Variants in LOXL4 observed in about 807,000 individuals in gnomAD.
LOXL4 encodes the protein lysyl oxidase like 4, also known as lysyl oxidase homolog 4.
LOXL4 carries 72 observed loss-of-function variants against 89.1 expected under a neutral mutation model. That is an observed-to-expected ratio of 0.81 (90% CI 0.67 to 0.98). The LOEUF (loss-of-function observed/expected upper bound fraction) is 0.98. Among genes scored for constraint, LOXL4 ranks in the 50% least tolerant of loss-of-function variants. LOXL4 has a pLI of 0.00. For synonymous variants in LOXL4, 355 were observed against 392.1 expected, an observed-to-expected ratio of 0.91 and a Z score of 1.12; for missense variants, 984 against 1,017.5, an observed-to-expected ratio of 0.97 and a Z score of 0.45.
In LOXL4 at chr10:98,258,098, G is replaced by T. The variant is rs553759704; in HGVS notation, c.988C>A (p.Arg330Ser). The part of the protein sequence containing the change: ...GEGRVEVLMN[R>S]QWGTVCDHRW... ...TGGTCACAGACCGTGCCCCACTGGCGGTTCATGAGCACTTCCACCCGGCCC... is the reference window on the plus strand; with the variant it reads ...TGGTCACAGACCGTGCCCCACTGGCTGTTCATGAGCACTTCCACCCGGCCC... Residue 330 changes from arginine (R) to serine (S), a missense_variant, in exon 7 of 15, where the codon CGC becomes AGC. Transcript: ENST00000260702. 6.2e-7 allele frequency: 1 copy of T among 1,613,450 alleles called. No homozygotes were observed. The highest frequency in any genetic ancestry group is 8.5e-7 in the Non-Finnish European group (1 of 1,180,034).
chr10:98,264,508 A>G (rs534691208), intron 1 of LOXL4, among the ~76,000 whole-genome samples: 2 of 151,866 alleles, frequency 1.3e-5, no homozygotes, highest in East Asian at 3.9e-4. Flanking sequence ...GTTTGCCTTC[A>G]TCCTGTAGGA....
At position 98,251,553 on chromosome 10, in the gene LOXL4, C is replaced by T. The variant is rs1241535909; in HGVS notation, c.2088+13G>A. On this transcript the variant is annotated intron_variant, in intron 13 of 14. Coordinates refer to ENST00000260702, the MANE Select transcript of LOXL4 (RefSeq NM_032211.7). Reference sequence around the variant, plus strand: ...GAAATCAGGCTCTGTGGGGAATCCCCCAGCCGCCTTACCTGGAAGATATAA... The same window carrying T: ...GAAATCAGGCTCTGTGGGGAATCCCTCAGCCGCCTTACCTGGAAGATATAA... The T allele has an allele frequency of 6.2e-7, 1 of 1,613,492 alleles. No homozygotes were observed. The highest frequency in any genetic ancestry group is 1.1e-5 in the South Asian group (1 of 90,956).
rs1051205024 is a variant in LOXL4 at position 98,259,153 on chromosome 10, G to C, written c.777C>G (p.Ala259=). ...VTCLGTEPHM[A]NCQVQVAPAR... ...CTGGAGCCACCTGCACCTGGCAGTT[G>C]GCCATGTGGGGCTCTGTCCCCAGGC... The change falls in exon 6 of 15, where the codon GCC becomes GCG. Residue 259 remains alanine, a synonymous_variant. Coordinates refer to ENST00000260702, the MANE Select transcript of LOXL4 (RefSeq NM_032211.7). 1.2e-6 allele frequency: 2 copies of C among 1,612,200 alleles called. No individual in the cohort carries two copies. Among genetic ancestry groups the C allele is most frequent in the African/African-American group, 2.7e-5 (2 of 75,008 alleles).
intron 2 of LOXL4, 71 bp from the exon 3 acceptor site, chr10:98,262,284 C>T: frequency 6.6e-7 from 1 of 1,515,670 alleles, no homozygotes; most frequent in Non-Finnish European, 9.0e-7. Flanking sequence ...CTGCATAGGA[C>T]CCCACACTTA....
chr10:98,262,371 A>G (rs1054331253), intron 2 of LOXL4, among the ~76,000 whole-genome samples, 158 bp from the exon 3 acceptor site: 8 of 152,222 alleles, frequency 5.3e-5, no homozygotes, highest in African/African-American at 1.9e-4. Flanking sequence ...ATAAGTATTT[A>G]TAACCCTGCC....
chr10:98,251,689 G>C lies in LOXL4; in HGVS notation c.1965C>G (p.Arg655=). 6.2e-7 allele frequency: 1 copy of C among 1,614,236 alleles called. No individual in the cohort carries two copies. The highest frequency in any genetic ancestry group is 1.1e-5 in the South Asian group (1 of 91,092). ...DTNCPTGLQR[R]YACANFGEQG... Reference sequence around the variant, plus strand: ...GTTCTCCAAAGTTGGCACATGCGTAGCGCCGCTGCAGTCCTGTAAGGAAGG... The same window carrying C: ...GTTCTCCAAAGTTGGCACATGCGTACCGCCGCTGCAGTCCTGTAAGGAAGG... Residue 655 remains arginine (R), a synonymous_variant, in exon 13 of 15, where the codon CGC becomes CGG. Coordinates refer to ENST00000260702, the MANE Select transcript of LOXL4 (RefSeq NM_032211.7).
intron 14 of LOXL4, 58 bp from the exon 15 acceptor site, chr10:98,249,049 G>A: frequency 2.2e-6 from 3 of 1,366,824 alleles, no homozygotes; most frequent in Non-Finnish European, 3.1e-6. Context: ...TCCCTTCCCT[G>A]ACAACTTACA....
chr10:98,260,315 A>C (rs556896817), intron 4 of LOXL4, among the ~76,000 whole-genome samples: 3 of 152,236 alleles, frequency 2.0e-5, no homozygotes, highest in Non-Finnish European at 2.9e-5. Context: ...GGAGGCTCAG[A>C]GGCCCTCCCC....
chr10:98,253,108 T>C (rs922690526), intron 11 of LOXL4, among the ~76,000 whole-genome samples: 3 of 152,254 alleles, frequency 2.0e-5, no homozygotes, highest in Non-Finnish European at 4.4e-5. Context: ...CTGTTCATGC[T>C]GTTCTTTGAG....
Position 98,258,141 on chromosome 10 carries a change from G to T in LOXL4, c.945C>A (p.Ser315=), listed in dbSNP as rs146874745. 1 of 1,612,448 alleles carries T rather than the reference G, an allele frequency of 6.2e-7. No homozygotes were observed. Among genetic ancestry groups the T allele is most frequent in the African/African-American group, 1.3e-5 (1 of 74,932 alleles). ...CCCGGCCCTCGCCCACCTGGGCCCC[G>T]GAGCGCAGGCGCACCCTCGGCTCCT... is the stretch of plus-strand genomic sequence containing the variant. ...WAEEPRVRLR[S]GAQVGEGRVE... The change falls in exon 7 of 15, where the codon TCC becomes TCA. Residue 315 remains serine, a synonymous_variant. Transcript: ENST00000260702.
At chr10:98,261,513 G>C (rs189557431) in intron 3 of LOXL4, among the ~76,000 whole-genome samples, 303 of 152,306 alleles carry the variant, frequency 2.0e-3, no homozygotes, top group African/African-American at 6.9e-3. Context: ...CCAGCTGCTT[G>C]AGACCACAGC....
In LOXL4 at chr10:98,262,177, G is replaced by A. The variant is rs761385697; in HGVS notation, c.314C>T (p.Thr105Ile). 6.2e-7 allele frequency: 1 copy of A among 1,613,756 alleles called. No individual in the cohort carries two copies. The highest frequency in any genetic ancestry group is 8.5e-7 in the Non-Finnish European group (1 of 1,180,010). ...CCCGCACTGGTCCAAGGAGCTCTCT[G>A]TGCCCACACAGCGCACATTGTCCAG... is the stretch of plus-strand genomic sequence containing the variant. ...IWLDNVRCVG[T>I]ESSLDQCGSN... Residue 105 changes from threonine to isoleucine, a missense_variant, in exon 3 of 15, where the codon ACA becomes ATA. Thr to Ile is a moderately conservative substitution (Grantham distance 89). Coordinates refer to ENST00000260702, the MANE Select transcript of LOXL4 (RefSeq NM_032211.7).
At position 98,252,339 on chromosome 10, in the gene LOXL4, A is replaced by G. The variant is rs765664092; in HGVS notation, c.1951+14T>C. The G allele has an allele frequency of 6.3e-7, 1 of 1,582,738 alleles. No individual in the cohort carries two copies. The highest frequency in any genetic ancestry group is 1.1e-5 in the South Asian group (1 of 90,392). On this transcript the variant is annotated intron_variant, in intron 12 of 14. Transcript: ENST00000260702. ...AAAGGAGATGCTGATAGGTGCTGAC[A>G]GGAAACCACATACCTGTGGGGCAGT... is the stretch of plus-strand genomic sequence containing the variant.
rs780634602 is a variant in LOXL4, at chr10:98,256,864, G to T, written c.1344C>A (p.Ser448Arg). The change falls in exon 9 of 15, where the codon AGC becomes AGA. Residue 448 changes from serine to arginine, a missense_variant. Transcript: ENST00000260702. ...TGAGCCCCCAGTTTTCACTGCACAC[G>T]CTCCCCCAGCGTGGGACCCCGTTCA... ...VEVNGVPRWGSVCSENWGLTE... is the reference protein window; with the variant it reads ...VEVNGVPRWGRVCSENWGLTE... The T allele has an allele frequency of 6.2e-7, 1 of 1,614,092 alleles. No individual in the cohort carries two copies. The highest frequency in any genetic ancestry group is 1.7e-5 in the Admixed American group (1 of 60,024).
At chr10:98,251,871 A>G (rs778663496) in intron 12 of LOXL4, among the ~76,000 whole-genome samples, 169 bp from the exon 13 acceptor site, 3 of 152,180 alleles carry the variant, frequency 2.0e-5, no homozygotes, top group Non-Finnish European at 2.9e-5. Context: ...TGTGACAAAG[A>G]TAGGATTTGT....
At chr10:98,250,672 A>C (rs568460356) in intron 14 of LOXL4, among the ~76,000 whole-genome samples, 1 of 152,298 alleles carries the variant, frequency 6.6e-6, no homozygotes, top group South Asian at 2.1e-4. Flanking sequence ...AGACAGCAAC[A>C]CAGAGCAAGA....
At chr10:98,250,569 T>G (rs527365722) in intron 14 of LOXL4, among the ~76,000 whole-genome samples, 146 of 152,284 alleles carry the variant, frequency 9.6e-4, no homozygotes, top group Non-Finnish European at 1.6e-3. Context: ...CTGCCCCCAC[T>G]GGATCATGAT....
intron 1 of LOXL4, among the ~76,000 whole-genome samples, chr10:98,265,172 G>A (rs1217705191): frequency 2.0e-5 from 3 of 152,178 alleles, no homozygotes; most frequent in East Asian, 1.9e-4. Context: ...AGGCTGGGCG[G>A]TCAGACTGCT....
At chr10:98,257,580 T>C in intron 8 of LOXL4, 70 bp downstream of exon 8, 1 of 1,531,436 alleles carries the variant, frequency 6.5e-7, no homozygotes. Context: ...GCTAGCTCGA[T>C]GTGGTGTCCT....
Sources: gnomAD v4.1 joint callset for allele counts (sites outside exome capture counted in the v4.1 genomes callset) on GRCh38, gnomAD v4.1.1 for gene constraint, MANE v1.5 for transcripts, NCBI Gene and HGNC (gene_info 2026-07-23, HGNC 2026-07-21) for gene names.